Variants in FAM120B observed in about 807,000 individuals in gnomAD.
The protein encoded by FAM120B is constitutive coactivator of peroxisome proliferator-activated receptor gamma.
Under a neutral mutation model 96.3 loss-of-function variants are expected in FAM120B, and 83 were observed. That is an observed-to-expected ratio of 0.86 (90% CI 0.72 to 1.03). The LOEUF (loss-of-function observed/expected upper bound fraction) is 1.03. Ranked by LOEUF, FAM120B falls within the 50% of genes least tolerant of loss-of-function variation. The pLI is 0.00. For synonymous variants in FAM120B, 407 were observed against 402.7 expected, an observed-to-expected ratio of 1.01 and a Z score of -0.13; for missense variants, 1,027 against 1,121.2, an observed-to-expected ratio of 0.92 and a Z score of 1.20.
intron 4 of FAM120B, among the ~76,000 whole-genome samples, chr6:170,336,187 C>T (rs999776071): frequency 1.4e-4 from 21 of 152,120 alleles, no homozygotes; most frequent in Non-Finnish European, 2.5e-4. Flanking sequence ...TTAGGTTTTA[C>T]GTTTAAGTAT....
At position 170,388,408 on chromosome 6, in the gene FAM120B, G is replaced by A; in HGVS notation, c.2405G>A (p.Trp802Ter). 6.2e-7 allele frequency: 1 copy of A among 1,614,138 alleles called. No individual in the cohort carries two copies. Among genetic ancestry groups the A allele is most frequent in the Non-Finnish European group, 8.5e-7 (1 of 1,180,024 alleles). Residue 802 changes from tryptophan to a stop codon, truncating the protein, a stop_gained, in exon 7 of 11, where the codon TGG (tryptophan) becomes TAG (stop). Transcript: ENST00000476287. LOFTEE classifies it high-confidence loss of function. Reference protein sequence around the residue: ...FPWKTSDFMPWNVFDGKLFHQ... With the variant: ...FPWKTSDFMP Reference sequence around the variant, plus strand: ...TGGAAGACGAGTGATTTCATGCCCTGGAATGTATTTGACGGGAAGCTTTTT... The same window carrying A: ...TGGAAGACGAGTGATTTCATGCCCTAGAATGTATTTGACGGGAAGCTTTTT...
intron 4 of FAM120B, among the ~76,000 whole-genome samples, chr6:170,331,238 A>C (rs1203229246): frequency 6.6e-6 from 1 of 152,180 alleles, no homozygotes; most frequent in African/African-American, 2.4e-5. Context: ...GAGGAGGCTA[A>C]GCTTCAGAGT....
intron 6 of FAM120B, among the ~76,000 whole-genome samples, chr6:170,368,819 C>CAG (rs146799172): frequency 3.8e-5 from 1 of 26,128 alleles, no homozygotes; most frequent in African/African-American, 6.6e-5. Flanking sequence ...TCTGCCGGGG[C>CAG]TGGGGGGGGG....
chr6:170,369,995 C>T (rs1402764673), intron 6 of FAM120B, among the ~76,000 whole-genome samples: 1 of 152,220 alleles, frequency 6.6e-6, no homozygotes, highest in East Asian at 1.9e-4. Context: ...TATTTTTCTA[C>T]AGCAGAAGCA....
intron 3 of FAM120B, among the ~76,000 whole-genome samples, chr6:170,330,163 G>A (rs557763230): frequency 6.6e-6 from 1 of 152,258 alleles, no homozygotes; most frequent in South Asian, 2.1e-4. Context: ...AGACATCGTA[G>A]GAGTCATTAA....
intron 5 of FAM120B, among the ~76,000 whole-genome samples, chr6:170,353,261 CCAAA>C (rs1787693416): frequency 1.3e-5 from 2 of 151,784 alleles, no homozygotes; most frequent in South Asian, 4.2e-4. Flanking sequence ...AAATAGCTTA[CCAAA>C]CAAACAAAAA....
intron 4 of FAM120B, among the ~76,000 whole-genome samples, chr6:170,335,924 T>C (rs1786391250): frequency 6.6e-6 from 1 of 152,214 alleles, no homozygotes; most frequent in African/African-American, 2.4e-5. Context: ...GAAATTTAAG[T>C]TCCTTGTAGA....
rs149939566 is a variant in FAM120B, at chr6:170,405,826, G to A, written c.*1075G>A. ...CTTTCGTTTCATTTTGCCAGGGCCT[G>A]GCTCAGGATTTTTTATGGCAGTGCC... is the stretch of plus-strand genomic sequence containing the variant. On this transcript the variant is annotated 3_prime_UTR_variant, in exon 11 of 11. Coordinates refer to ENST00000476287, the MANE Select transcript of FAM120B (RefSeq NM_032448.3). 1 of 152,274 alleles carries A rather than the reference G, an allele frequency of 6.6e-6. No individual in the cohort carries two copies. Among genetic ancestry groups the A allele is most frequent in the African/African-American group, 2.4e-5 (1 of 41,552 alleles). The allele number at this position is 152,274 out of a possible 1,614,324, so 9.4% of individuals were successfully genotyped here. A position where few individuals can be genotyped will look rare whatever the true frequency, so the allele number is the denominator to read the frequency against.
chr6:170,338,220 G>A (rs960941819), intron 4 of FAM120B, among the ~76,000 whole-genome samples: 1 of 152,100 alleles, frequency 6.6e-6, no homozygotes, highest in Admixed American at 6.5e-5. Flanking sequence ...TAGAGATTCT[G>A]GTACGTTGTC....
chr6:170,358,450 A>G, intron 6 of FAM120B, 132 bp downstream of exon 6: 1 of 679,656 alleles, frequency 1.5e-6, no homozygotes, highest in Non-Finnish European at 2.5e-6. Flanking sequence ...TTCGTGATGC[A>G]GTAGTTTGTC....
chr6:170,389,367 T>G (rs1790361714), intron 7 of FAM120B, among the ~76,000 whole-genome samples: 3 of 152,142 alleles, frequency 2.0e-5, no homozygotes, highest in Admixed American at 6.5e-5. Flanking sequence ...GTTTTAGATT[T>G]TGGATTTTCA....
Position 170,395,975 on chromosome 6 carries a change from G to C in FAM120B, c.2692+396G>C, listed in dbSNP as rs376844575. Among the ~76,000 whole-genome samples, 4 of 152,308 alleles carry C rather than the reference G, an allele frequency of 2.6e-5. No homozygotes were observed. The East Asian group carries it at 7.7e-4, about 29-fold the overall frequency. On this transcript the variant is annotated intron_variant, in intron 9 of 10. Coordinates refer to ENST00000476287, the MANE Select transcript of FAM120B (RefSeq NM_032448.3). ...GGATTCTGATATTTTCCGTGACTTG[G>C]ATTACAGTGTGAGGTAGGAAATAGC... is the stretch of plus-strand genomic sequence containing the variant.
chr6:170,332,760 A>G (rs1303106755), intron 4 of FAM120B, among the ~76,000 whole-genome samples: 2 of 152,124 alleles, frequency 1.3e-5, no homozygotes, highest in Non-Finnish European at 2.9e-5. Flanking sequence ...GAAAACCTGC[A>G]AAAGGTTCTT....
At chr6:170,296,711 G>A (rs1200012883) in intron 1 of FAM120B, among the ~76,000 whole-genome samples, 1 of 152,020 alleles carries the variant, frequency 6.6e-6, no homozygotes, top group Admixed American at 6.5e-5. Flanking sequence ...GCGGCCCGCC[G>A]AGACCCCGGA....
intron 6 of FAM120B, among the ~76,000 whole-genome samples, chr6:170,372,201 A>G (rs1789239913): frequency 6.6e-6 from 1 of 152,166 alleles, no homozygotes; most frequent in Non-Finnish European, 1.5e-5. Flanking sequence ...GTTTTAATTA[A>G]AATTTTTTTT....
At chr6:170,382,010 G>A (rs1004596775) in intron 6 of FAM120B, among the ~76,000 whole-genome samples, 1 of 152,210 alleles carries the variant, frequency 6.6e-6, no homozygotes, top group Middle Eastern at 3.4e-3. Context: ...TCTGTCTAGT[G>A]CAGTGAGGAA....
At chr6:170,351,014 T>C (rs919368403) in intron 5 of FAM120B, among the ~76,000 whole-genome samples, 1 of 152,216 alleles carries the variant, frequency 6.6e-6, no homozygotes, top group African/African-American at 2.4e-5. Context: ...GAGCATGTTG[T>C]AATTCAATGC....
At chr6:170,341,823 G>A (rs116694136) in intron 4 of FAM120B, among the ~76,000 whole-genome samples, 2,485 of 152,238 alleles carry the variant, frequency 0.016, 67 homozygotes, top group African/African-American at 0.053. Flanking sequence ...TGCCTAACCA[G>A]TCCCATTGAG....
At chr6:170,388,700 G>T (rs1303323928) in intron 7 of FAM120B, among the ~76,000 whole-genome samples, 1 of 152,142 alleles carries the variant, frequency 6.6e-6, no homozygotes, top group Non-Finnish European at 1.5e-5. Flanking sequence ...AAATACTTAG[G>T]ACCAGAAGTG....
Sources: allele counts gnomAD v4.1 joint callset (sites outside exome capture counted in the v4.1 genomes callset), GRCh38; gene constraint gnomAD v4.1.1; transcripts MANE v1.5; gene names NCBI Gene and HGNC (gene_info 2026-07-23, HGNC 2026-07-21).